SCFD2: variants seen among roughly 807,000 people sequenced by gnomAD.
The protein encoded by SCFD2 is sec1 family domain containing 2.
SCFD2 carries 54 observed loss-of-function variants against 58.9 expected under a neutral mutation model. That is an observed-to-expected ratio of 0.92 (90% CI 0.74 to 1.15). SCFD2 has a LOEUF of 1.15. Ranked by LOEUF, SCFD2 falls within the 50% of genes most tolerant of loss-of-function variation. The pLI is 0.00. For synonymous variants in SCFD2, 321 were observed against 335.9 expected, an observed-to-expected ratio of 0.96 and a Z score of 0.49; for missense variants, 805 against 836.6, an observed-to-expected ratio of 0.96 and a Z score of 0.47.
intron 5 of SCFD2, among the ~76,000 whole-genome samples, chr4:53,012,765 A>C (rs375656576): frequency 2.7e-5 from 4 of 150,026 alleles, no homozygotes; most frequent in Admixed American, 1.3e-4. Context: ...CATCTTATTA[A>C]TTTTGCTCAG....
chr4:52,991,151 T>C (rs34727407), intron 5 of SCFD2, among the ~76,000 whole-genome samples: 1 of 152,244 alleles, frequency 6.6e-6, no homozygotes, highest in African/African-American at 2.4e-5. Flanking sequence ...GTTAATATGG[T>C]GAGACATGGG....
chr4:53,301,700 C>T (rs1732306585), intron 3 of SCFD2, among the ~76,000 whole-genome samples: 1 of 152,148 alleles, frequency 6.6e-6, no homozygotes, highest in African/African-American at 2.4e-5. Flanking sequence ...CAAAAATCCT[C>T]AATAAAATAC....
chr4:53,123,668 C>T (rs985253831), intron 5 of SCFD2, among the ~76,000 whole-genome samples: 2 of 152,178 alleles, frequency 1.3e-5, no homozygotes, highest in African/African-American at 2.4e-5. Flanking sequence ...ACTCTCACCC[C>T]ACTCATTGAC....
At chr4:53,008,669 T>C (rs2148805551) in intron 5 of SCFD2, among the ~76,000 whole-genome samples, 1 of 152,176 alleles carries the variant, frequency 6.6e-6, no homozygotes, top group South Asian at 2.1e-4. Flanking sequence ...CTCTTCAAAA[T>C]AATGAAAGCT....
intron 6 of SCFD2, among the ~76,000 whole-genome samples, chr4:52,917,026 T>C (rs1342125725): frequency 2.0e-5 from 3 of 152,200 alleles, no homozygotes; most frequent in Admixed American, 6.5e-5. Flanking sequence ...GCCTCCCTAG[T>C]AGCTGGGATT....
At chr4:53,082,850 G>A (rs1724188107) in intron 5 of SCFD2, among the ~76,000 whole-genome samples, 1 of 152,148 alleles carries the variant, frequency 6.6e-6, no homozygotes, top group African/African-American at 2.4e-5. Flanking sequence ...TGGTTCTAGA[G>A]CCTTCAGGTT....
intron 5 of SCFD2, chr4:52,950,022 C>T (rs57968004): frequency 0.015 from 2,281 of 152,314 alleles, 73 homozygotes; most frequent in African/African-American, 0.052. Flanking sequence ...CACATCTGTA[C>T]ACACAACAGT....
At chr4:53,241,892 C>G (rs1729905682) in intron 4 of SCFD2, among the ~76,000 whole-genome samples, 1 of 152,220 alleles carries the variant, frequency 6.6e-6, no homozygotes, top group Non-Finnish European at 1.5e-5. Context: ...AGTGGACATG[C>G]CTCCACTCTG....
chr4:53,086,955 A>G (rs146594651), intron 5 of SCFD2, among the ~76,000 whole-genome samples: 190 of 152,242 alleles, frequency 1.2e-3, no homozygotes, highest in South Asian at 3.5e-3. Flanking sequence ...GAAAGAAGGA[A>G]TAAGACTTGG....
intron 7 of SCFD2, among the ~76,000 whole-genome samples, chr4:52,888,101 G>A (rs1560470584): frequency 6.6e-5 from 10 of 151,550 alleles, no homozygotes; most frequent in Admixed American, 2.0e-4. Flanking sequence ...TAGTAGAGAC[G>A]GGGTTTCACC....
intron 7 of SCFD2, among the ~76,000 whole-genome samples, chr4:52,895,046 G>A (rs867166255): frequency 9.8e-5 from 15 of 152,296 alleles, no homozygotes; most frequent in Middle Eastern, 3.4e-3. Flanking sequence ...AGATTGGAGG[G>A]AAAACTCCTA....
Position 52,920,710 on chromosome 4 carries a change from A to C in SCFD2, c.1707+15T>G. On this transcript the variant is annotated intron_variant, in intron 6 of 8. Transcript: ENST00000401642. ...ACAACAGATTAGAAGGTTACTTTAA[A>C]ACGTATATACTTGCCTGGTGGGTAT... 6.4e-7 allele frequency: 1 copy of C among 1,550,446 alleles called. No homozygotes were observed. The highest frequency in any genetic ancestry group is 2.4e-5 in the East Asian group (1 of 41,620).
At chr4:52,933,189 A>G (rs1487366453) in intron 5 of SCFD2, among the ~76,000 whole-genome samples, 4 of 152,138 alleles carry the variant, frequency 2.6e-5, no homozygotes, top group Non-Finnish European at 5.9e-5. Flanking sequence ...AAGAAGTAGG[A>G]CAGGAAGCAG....
intron 4 of SCFD2, chr4:53,265,631 C>G (rs149258057): frequency 6.6e-6 from 1 of 152,092 alleles, no homozygotes; most frequent in South Asian, 2.1e-4. Context: ...TCAGTTGTTT[C>G]ATTCTCTTTG....
At chr4:53,012,666 A>T (rs1234816919) in intron 5 of SCFD2, among the ~76,000 whole-genome samples, 1 of 152,136 alleles carries the variant, frequency 6.6e-6, no homozygotes, top group African/African-American at 2.4e-5. Context: ...GCATTTCAGG[A>T]GAGATGAACC....
intron 5 of SCFD2, among the ~76,000 whole-genome samples, chr4:53,005,554 C>T (rs1721955071): frequency 6.6e-6 from 1 of 152,102 alleles, no homozygotes; most frequent in African/African-American, 2.4e-5. Flanking sequence ...GTTCCTTCAT[C>T]GATAAGTAAG....
chr4:52,938,928 C>T (rs1010470756), intron 5 of SCFD2, among the ~76,000 whole-genome samples: 1 of 152,138 alleles, frequency 6.6e-6, no homozygotes. Flanking sequence ...GGCAGTAAAA[C>T]ATGAGTGGCA....
At chr4:53,336,829 T>C (rs1294771704) in intron 2 of SCFD2, among the ~76,000 whole-genome samples, 2 of 152,200 alleles carry the variant, frequency 1.3e-5, no homozygotes, top group African/African-American at 2.4e-5. Context: ...TTCTCATTTC[T>C]AAAAGCAGAA....
chr4:53,355,532 T>C (rs1443096289), intron 1 of SCFD2, among the ~76,000 whole-genome samples: 2 of 152,176 alleles, frequency 1.3e-5, no homozygotes, highest in African/African-American at 4.8e-5. Flanking sequence ...TAACAGTAGC[T>C]ACCATATATT....
Sources: allele counts gnomAD v4.1 joint callset (sites outside exome capture counted in the v4.1 genomes callset), GRCh38; gene constraint gnomAD v4.1.1; transcripts MANE v1.5; gene names NCBI Gene and HGNC (gene_info 2026-07-23, HGNC 2026-07-21).